The following FAF1 variants were observed in gnomAD, a reference collection of about 807,000 sequenced individuals.
FAF1 encodes the protein Fas associated factor 1.
Under a neutral mutation model 92.5 loss-of-function variants are expected in FAF1, and 25 were observed. The observed-to-expected ratio is 0.27, with a 90% CI of 0.20 to 0.38. The LOEUF is 0.38. FAF1 is among the 10% of genes least tolerant of loss of function. The pLI, the probability that FAF1 is intolerant of heterozygous loss-of-function variation, is 1.00. For synonymous variants in FAF1, 234 were observed against 273.2 expected, an observed-to-expected ratio of 0.86 and a Z score of 1.42; for missense variants, 636 against 793.3, an observed-to-expected ratio of 0.80 and a Z score of 2.38.
At chr1:50,835,669 G>A (rs937872735) in intron 2 of FAF1, among the ~76,000 whole-genome samples, 3 of 151,400 alleles carry the variant, frequency 2.0e-5, no homozygotes, top group South Asian at 2.1e-4. Flanking sequence ...ATCTAAACAC[G>A]GTAGCTGCTG....
Position 50,711,376 on chromosome 1 carries a change from A to G in FAF1, c.552-5485T>C, listed in dbSNP as rs1416347215. ...TAGTTACTTTTCATGTTTTAGTTCT[A>G]TCCCCTGGCAGGAGTTCATACAGAA... On this transcript the variant is annotated intron_variant, in intron 6 of 18. Coordinates refer to ENST00000396153, the MANE Select transcript of FAF1 (RefSeq NM_007051.3). Among the ~76,000 whole-genome samples the G allele has an allele frequency of 3.3e-5, 5 of 151,794 alleles. No homozygotes were observed. The East Asian group carries it at 9.6e-4, about 29-fold the overall frequency.
intron 13 of FAF1, among the ~76,000 whole-genome samples, chr1:50,556,937 G>T (rs1340459917): frequency 6.6e-6 from 1 of 152,170 alleles, no homozygotes; most frequent in African/African-American, 2.4e-5. Context: ...ACATTTTAAT[G>T]TGTACAAGTC....
At chr1:50,943,643 A>T (rs1645151585) in intron 1 of FAF1, among the ~76,000 whole-genome samples, 1 of 152,128 alleles carries the variant, frequency 6.6e-6, no homozygotes, top group South Asian at 2.1e-4. Context: ...ATAATTCTTC[A>T]CAGGGTGTGC....
chr1:50,914,615 A>G (rs1171554925), intron 1 of FAF1, among the ~76,000 whole-genome samples: 1 of 152,232 alleles, frequency 6.6e-6, no homozygotes, highest in African/African-American at 2.4e-5. Context: ...GAGTAAATGT[A>G]TCAATCACTG....
At chr1:50,710,279 T>A (rs1484818829) in intron 6 of FAF1, among the ~76,000 whole-genome samples, 1 of 152,194 alleles carries the variant, frequency 6.6e-6, no homozygotes, top group African/African-American at 2.4e-5. Flanking sequence ...AGGACCAGTT[T>A]GACTGCCAGA....
intron 15 of FAF1, among the ~76,000 whole-genome samples, chr1:50,526,050 C>T (rs981278788): frequency 5.9e-5 from 9 of 152,234 alleles, no homozygotes; most frequent in African/African-American, 1.4e-4. Context: ...TTAAATAATA[C>T]TAATGATAGT....
At chr1:50,444,650 A>G (rs1288098126) in intron 18 of FAF1, among the ~76,000 whole-genome samples, 1 of 152,162 alleles carries the variant, frequency 6.6e-6, no homozygotes, top group Non-Finnish European at 1.5e-5. Flanking sequence ...TCATCATAGC[A>G]GCAACTATCA....
intron 4 of FAF1, among the ~76,000 whole-genome samples, chr1:50,747,931 AC>A (rs1318774752): frequency 1.3e-5 from 2 of 152,102 alleles, no homozygotes; most frequent in Admixed American, 1.3e-4. Context: ...TTTGCCTTCC[AC>A]CACGAGTAAA....
intron 4 of FAF1, among the ~76,000 whole-genome samples, chr1:50,775,533 T>C (rs957261239): frequency 1.3e-5 from 2 of 152,000 alleles, no homozygotes; most frequent in African/African-American, 4.8e-5. Flanking sequence ...TTGGAAGCTG[T>C]GTAGGAGTTT....
chr1:50,554,962 C>A (rs531916937), intron 13 of FAF1, among the ~76,000 whole-genome samples: 1 of 152,036 alleles, frequency 6.6e-6, no homozygotes, highest in Admixed American at 6.5e-5. Flanking sequence ...TCTGTCTGCA[C>A]AAACAATGAG....
chr1:50,915,813 A>C (rs906561308), intron 1 of FAF1, among the ~76,000 whole-genome samples: 4 of 152,190 alleles, frequency 2.6e-5, no homozygotes, highest in Non-Finnish European at 4.4e-5. Flanking sequence ...TGTTGGACTG[A>C]AAATAAGGCT....
rs560864454 is a variant in FAF1, at chr1:50,608,829, C to T, written c.745-12613G>A. Among the ~76,000 whole-genome samples the T allele has an allele frequency of 2.0e-5, 3 of 152,322 alleles. No individual in the cohort carries two copies. The South Asian group carries it at 6.2e-4, about 32-fold the overall frequency. On this transcript the variant is annotated intron_variant, in intron 8 of 18. Transcript: ENST00000396153. ...TCTTCTAGGGTTTGAAATCCTGGCT[C>T]TGCTGGTTAAGAGCTTGTATGACTC...
intron 1 of FAF1, among the ~76,000 whole-genome samples, chr1:50,898,632 T>C (rs933663019): frequency 2.6e-5 from 4 of 152,178 alleles, no homozygotes; most frequent in African/African-American, 9.7e-5. Context: ...AATAGGGCAT[T>C]CTCCAGGACA....
chr1:50,732,240 A>G (rs1389043016), intron 6 of FAF1, among the ~76,000 whole-genome samples: 1 of 151,462 alleles, frequency 6.6e-6, no homozygotes, highest in Non-Finnish European at 1.5e-5. Context: ...ACGCCTGGCT[A>G]ATTTTTTATA....
At chr1:50,758,413 G>A (rs374428212) in intron 4 of FAF1, among the ~76,000 whole-genome samples, 2 of 152,170 alleles carry the variant, frequency 1.3e-5, no homozygotes, top group African/African-American at 4.8e-5. Flanking sequence ...TCTGTCTTAC[G>A]ACAGAATACT....
At chr1:50,506,892 G>A (rs1149795) in intron 15 of FAF1, among the ~76,000 whole-genome samples, 137,444 of 152,242 alleles carry the variant, frequency 0.9, 62,350 homozygotes, top group African/African-American at 0.97. Flanking sequence ...TAGCCTTTGC[G>A]AGGTAAATGT....
intron 15 of FAF1, among the ~76,000 whole-genome samples, chr1:50,520,504 T>C (rs1647441609): frequency 6.6e-6 from 1 of 152,184 alleles, no homozygotes; most frequent in African/African-American, 2.4e-5. Flanking sequence ...ATCTCTCCTT[T>C]TACCTCTGCA....
intron 4 of FAF1, chr1:50,780,939 G>A: frequency 2.1e-6 from 1 of 483,472 alleles, no homozygotes; most frequent in Non-Finnish European, 4.1e-6. Flanking sequence ...TGGTGGAAAA[G>A]GCTGAGCAGC....
chr1:50,874,750 TTTTC>T (rs1570085886), intron 1 of FAF1, among the ~76,000 whole-genome samples: 7 of 147,892 alleles, frequency 4.7e-5, no homozygotes, highest in Admixed American at 1.4e-4. Context: ...TCTTATTTTC[TTTTC>T]TTTCTTTTTT....
Sources: allele counts gnomAD v4.1 joint callset (sites outside exome capture counted in the v4.1 genomes callset), GRCh38; gene constraint gnomAD v4.1.1; transcripts MANE v1.5; gene names NCBI Gene and HGNC (gene_info 2026-07-23, HGNC 2026-07-21).